SEMA4A: variants seen among roughly 807,000 people sequenced by gnomAD.
SEMA4A encodes the protein semaphorin 4A.
Under a neutral mutation model 72.5 loss-of-function variants are expected in SEMA4A, and 52 were observed. That is an observed-to-expected ratio of 0.72 (90% CI 0.57 to 0.90). The LOEUF (loss-of-function observed/expected upper bound fraction) is 0.90. SEMA4A is among the 40% of genes least tolerant of loss of function. The pLI, the probability that SEMA4A is intolerant of heterozygous loss-of-function variation, is 0.00. For synonymous variants in SEMA4A, 369 were observed against 393.1 expected (o/e 0.94, Z 0.73); for missense variants, 926 against 959.7 (o/e 0.96, Z 0.46).
chr1:156,151,838 CAAAAAAAA>C (rs546304826), upstream of SEMA4A, among the ~76,000 whole-genome samples: 1 of 17,524 alleles, frequency 5.7e-5, no homozygotes, highest in Non-Finnish European at 1.6e-4. Flanking sequence ...CACTTCGTCT[CAAAAAAAA>C]AAAAAAAAAA....
intron 5 of SEMA4A, 39 bp from the exon 6 acceptor site, chr1:156,158,680 C>A (rs979783120): frequency 3.9e-6 from 6 of 1,520,702 alleles, no homozygotes; most frequent in African/African-American, 1.4e-5. Flanking sequence ...AGATGTGAGA[C>A]CTTGGCGTTC....
In SEMA4A at chr1:156,162,836, G is replaced by C. The variant is rs2102966226; in HGVS notation, c.984-108G>C. 2.1e-6 allele frequency: 3 copies of C among 1,398,280 alleles called. No homozygotes were observed. In the South Asian group the frequency reaches 3.5e-5, roughly 16 times the overall value. 86.6% of individuals were successfully genotyped at this position (1,398,280 alleles called of 1,614,324 possible). On this transcript the variant is annotated intron_variant, in intron 9 of 14. Coordinates refer to ENST00000368285, the MANE Select transcript of SEMA4A (RefSeq NM_022367.4). Reference sequence around the variant, plus strand: ...GGAGTGGTAGCTGGAGGCTGGCCCAGCTCTCCACACTCTTGCCTCCTGGGT... The same window carrying C: ...GGAGTGGTAGCTGGAGGCTGGCCCACCTCTCCACACTCTTGCCTCCTGGGT...
upstream of SEMA4A, among the ~76,000 whole-genome samples, chr1:156,151,506 C>T (rs530299638): frequency 5.9e-5 from 9 of 152,198 alleles, no homozygotes; most frequent in Non-Finnish European, 1.0e-4. Flanking sequence ...CCCTCTGAAA[C>T]GCTTTATTGA....
intron 3 of SEMA4A, 75 bp downstream of exon 3, chr1:156,156,649 T>C (rs1237379878): frequency 1.4e-6 from 2 of 1,426,946 alleles, no homozygotes; most frequent in East Asian, 2.3e-5. Context: ...CTTGGCTGCC[T>C]GTGCATGAAT....
rs781401908 is a variant in SEMA4A, at chr1:156,161,010, G to C, written c.791G>C (p.Arg264Pro). 1 of 1,611,136 alleles carries C rather than the reference G, an allele frequency of 6.2e-7. No homozygotes were observed. The highest frequency in any genetic ancestry group is 2.2e-5 in the East Asian group (1 of 44,792). ...TTCTTTGAGAGGCTCCACACATCGCGGGTGGCTAGAGTCTGCAAGGTCCGC... is the reference window on the plus strand; with the variant it reads ...TTCTTTGAGAGGCTCCACACATCGCCGGTGGCTAGAGTCTGCAAGGTCCGC... ...FDFFERLHTS[R>P]VARVCKNDVG... Residue 264 changes from arginine to proline, a missense_variant, in exon 8 of 15, where the codon CGG (arginine) becomes CCG (proline). Physicochemically the swap from Arg to Pro is moderately radical, Grantham distance 103 (BLOSUM62 -2). Transcript: ENST00000368285.
rs753111822 is a variant in SEMA4A at position 156,172,834 on chromosome 1, G to T, written c.1143G>T (p.Val381=). 1.9e-6 allele frequency: 3 copies of T among 1,614,126 alleles called. No individual in the cohort carries two copies. The highest frequency in any genetic ancestry group is 2.5e-6 in the Non-Finnish European group (3 of 1,179,996). The change falls in exon 11 of 15, where the codon GTG becomes GTT. Residue 381 remains valine, a synonymous_variant. Coordinates refer to ENST00000368285, the MANE Select transcript of SEMA4A (RefSeq NM_022367.4). ...CCTCCCTCCTCCTTTAGTGCTCAGT[G>T]GGCCCCTCCTCTGATAAGGCCCTGA... The part of the protein sequence containing the change: ...ETNPRPGSCS[V]GPSSDKALTF...
rs533271209 is a variant in SEMA4A at position 156,154,400 on chromosome 1, C to T, written c.-29-150C>T. 9 of 679,524 alleles carry T rather than the reference C, an allele frequency of 1.3e-5. No homozygotes were observed. The East Asian group carries it at 2.4e-4, about 18-fold the overall frequency. The allele number at this position is 679,524 out of a possible 1,614,324, so 42.1% of individuals were successfully genotyped here. ...TGATGAAAGTGAGACCGTCTTAGGG[C>T]CCTTCCAGATAGGGAACCTTCTCTG... On this transcript the variant is annotated intron_variant, in intron 1 of 14. Coordinates refer to ENST00000368285, the MANE Select transcript of SEMA4A (RefSeq NM_022367.4).
upstream of SEMA4A, chr1:156,150,396 C>A (rs910392463): frequency 6.6e-6 from 1 of 152,182 alleles, no homozygotes; most frequent in Non-Finnish European, 1.5e-5. Flanking sequence ...GCTAGGCACT[C>A]AATACATATA....
At chr1:156,154,795 G>A (rs1652863874) in intron 2 of SEMA4A, 78 bp downstream of exon 2, 1 of 1,501,502 alleles carries the variant, frequency 6.7e-7, no homozygotes, top group Non-Finnish European at 9.0e-7. Flanking sequence ...GAGGAACAGA[G>A]GAGGGGAGGA....
intron 10 of SEMA4A, among the ~76,000 whole-genome samples, chr1:156,170,002 C>A (rs915510018): frequency 6.7e-5 from 10 of 149,226 alleles, no homozygotes; most frequent in Non-Finnish European, 1.2e-4. Context: ...TCCAGCCTGG[C>A]GACACAGCAA....
chr1:156,174,765 TG>T (rs1373647351), intron 11 of SEMA4A, 56 bp from the exon 12 acceptor site: 1 of 1,612,998 alleles, frequency 6.2e-7, no homozygotes, highest in East Asian at 2.2e-5. Flanking sequence ...CCCCGGAAGT[TG>T]GGAAGGGATC....
intron 1 of SEMA4A, 133 bp from the exon 2 acceptor site, chr1:156,154,417 C>A (rs371814440): frequency 7.3e-5 from 56 of 771,668 alleles, no homozygotes; most frequent in South Asian, 4.4e-4. Context: ...AGATAGGGAA[C>A]CTTCTCTGCC....
upstream of SEMA4A, among the ~76,000 whole-genome samples, chr1:156,149,282 C>T (rs1444318271): frequency 6.6e-6 from 1 of 152,192 alleles, no homozygotes; most frequent in Non-Finnish European, 1.5e-5. Context: ...GGAAAGAATC[C>T]GGCTGTCTTC....
At chr1:156,155,973 A>G in intron 2 of SEMA4A, 1 of 261,708 alleles carries the variant, frequency 3.8e-6, no homozygotes. Context: ...GGAAGAAAGC[A>G]GGGGTGGTTG....
chr1:156,148,801 C>CTT (rs371528689), upstream of SEMA4A, among the ~76,000 whole-genome samples: 42 of 128,738 alleles, frequency 3.3e-4, no homozygotes, highest in Admixed American at 9.3e-4. Flanking sequence ...TTTCTTTTTT[C>CTT]TTTTTTTTTT....
intron 6 of SEMA4A, 44 bp from the exon 7 acceptor site, chr1:156,160,398 AC>A (rs1653475331): frequency 7.0e-7 from 1 of 1,437,976 alleles, no homozygotes; most frequent in Non-Finnish European, 9.8e-7. Flanking sequence ...GGGCAGAGGA[AC>A]CCTCCACCCC....
At chr1:156,158,917 G>A in intron 6 of SEMA4A, 93 bp downstream of exon 6, 2 of 1,127,480 alleles carry the variant, frequency 1.8e-6, no homozygotes, top group South Asian at 1.2e-5. Context: ...AAAAGGCAGG[G>A]GAAACTGGGT....
chr1:156,155,112 G>A lies in SEMA4A; in HGVS notation c.139+395G>A. 3 of 260,088 alleles carry A rather than the reference G, an allele frequency of 1.2e-5. No homozygotes were observed. The South Asian group carries it at 1.4e-4, about 12-fold the overall frequency. The allele number at this position is 260,088 out of a possible 1,614,324, so 16.1% of individuals were successfully genotyped here. A position where few individuals can be genotyped will look rare whatever the true frequency, so the allele number is the denominator to read the frequency against. ...CTAGAAGACCATATGTGGACCCGGT[G>A]ACCCGGAGCTCGCCAGGCCCATGCC... is the stretch of plus-strand genomic sequence containing the variant. On this transcript the variant is annotated intron_variant, in intron 2 of 14. Coordinates refer to ENST00000368285, the MANE Select transcript of SEMA4A (RefSeq NM_022367.4).
chr1:156,162,964 GC>G lies in SEMA4A; in HGVS notation c.1005del (p.Ser336LeufsTer22). The G allele has an allele frequency of 1.2e-6, 2 of 1,613,926 alleles. No homozygotes were observed. The highest frequency in any genetic ancestry group is 1.7e-6 in the Non-Finnish European group (2 of 1,180,038). ...TSQWQVGGTR[S>X]SAVCAFSLLD... ...TCCAGGCAGGTTGGCGGGACCAGGA[GC>G]TCTGCGGTTTGTGCCTTCTCTCTCT... is the stretch of plus-strand genomic sequence containing the variant. On this transcript the variant is annotated frameshift_variant, in exon 10 of 15. Transcript: ENST00000368285. LOFTEE classifies it high-confidence loss of function.
Sources: allele counts gnomAD v4.1 joint callset (sites outside exome capture counted in the v4.1 genomes callset), GRCh38; gene constraint gnomAD v4.1.1; transcripts MANE v1.5; gene names NCBI Gene and HGNC (gene_info 2026-07-23, HGNC 2026-07-21).